The following CFAP300 variants were observed in gnomAD, a reference collection of about 807,000 sequenced individuals.
The protein encoded by CFAP300 is cilia- and flagella-associated protein 300.
CFAP300 carries 32 observed loss-of-function variants against 33.0 expected under a neutral mutation model. The ratio of observed to expected loss-of-function variants is 0.97; its 90% confidence interval spans 0.73 to 1.30. CFAP300 has a LOEUF of 1.30. Among genes scored for constraint, CFAP300 ranks in the 50% most tolerant of loss-of-function variants. The pLI is 0.00. For missense variants in CFAP300, 356 were observed against 318.1 expected (o/e 1.12, Z -0.90); for synonymous variants, 102 against 106.8 (o/e 0.95, Z 0.28).
At chr11:102,080,917 T>C (rs1057002413) in intron 5 of CFAP300, among the ~76,000 whole-genome samples, 1 of 152,206 alleles carries the variant, frequency 6.6e-6, no homozygotes, top group Non-Finnish European at 1.5e-5. Flanking sequence ...TTTTTACAAA[T>C]CCCTATTCAT....
At chr11:102,047,650 T>G in intron 1 of CFAP300, 70 bp downstream of exon 1, 1 of 1,485,592 alleles carries the variant, frequency 6.7e-7, no homozygotes, top group South Asian at 1.2e-5. Flanking sequence ...AGGCCGGGCG[T>G]CGAGGGGCCC....
intron 2 of CFAP300, among the ~76,000 whole-genome samples, chr11:102,051,923 T>G (rs944885414): frequency 2.6e-5 from 4 of 152,238 alleles, no homozygotes; most frequent in Non-Finnish European, 4.4e-5. Flanking sequence ...TTGTTATTAC[T>G]GTAACTAGTT....
intron 3 of CFAP300, among the ~76,000 whole-genome samples, chr11:102,061,313 C>T (rs978081077): frequency 6.6e-6 from 1 of 151,546 alleles, no homozygotes; most frequent in Non-Finnish European, 1.5e-5. Flanking sequence ...TCTGAAATAC[C>T]CCCCTCTTAT....
chr11:102,062,952 A>G (rs182770301), intron 3 of CFAP300, among the ~76,000 whole-genome samples: 1 of 152,358 alleles, frequency 6.6e-6, no homozygotes, highest in Non-Finnish European at 1.5e-5. Flanking sequence ...ACTGGACCAT[A>G]GAGCTATTGG....
chr11:102,075,831 A>C lies in CFAP300; in HGVS notation c.436-42A>C. 3 of 1,466,070 alleles carry C rather than the reference A, an allele frequency of 2.0e-6. No individual in the cohort carries two copies. In the South Asian group the frequency reaches 3.8e-5, roughly 19 times the overall value. The allele number at this position is 1,466,070 out of a possible 1,614,324, so 90.8% of individuals were successfully genotyped here. The stretch of plus-strand genomic sequence containing the variant: ...GAAACCTTTGAAAACAAAAGTAAAA[A>C]TCTTGAGTTATGTTACATTAAGATG... On this transcript the variant is annotated intron_variant, in intron 4 of 6. Transcript: ENST00000434758.
intron 2 of CFAP300, among the ~76,000 whole-genome samples, chr11:102,051,948 T>C (rs1350510147): frequency 1.3e-5 from 2 of 152,230 alleles, no homozygotes; most frequent in Admixed American, 6.5e-5. Flanking sequence ...AATCATCTTA[T>C]ATTTTTCCAA....
chr11:102,075,471 AATGACC>A (rs1379750912), intron 4 of CFAP300, among the ~76,000 whole-genome samples: 1 of 152,210 alleles, frequency 6.6e-6, no homozygotes, highest in Non-Finnish European at 1.5e-5. Context: ...GAGCTTAGAA[AATGACC>A]GTTTAGTCTC....
chr11:102,052,408 C>A (rs992023645), intron 2 of CFAP300, among the ~76,000 whole-genome samples: 6 of 152,042 alleles, frequency 3.9e-5, no homozygotes, highest in African/African-American at 1.4e-4. Context: ...CGTGAATATT[C>A]TTTTATTTGA....
intron 2 of CFAP300, among the ~76,000 whole-genome samples, chr11:102,055,215 G>A (rs930616241): frequency 5.3e-5 from 8 of 151,980 alleles, no homozygotes; most frequent in Non-Finnish European, 8.8e-5. Context: ...TCCTGACCTC[G>A]CGATCTGCCT....
intron 3 of CFAP300, among the ~76,000 whole-genome samples, chr11:102,063,197 G>A (rs1942175452): frequency 6.6e-6 from 1 of 152,238 alleles, no homozygotes. Context: ...GTAGAAGCAA[G>A]ACTGCCACCT....
At chr11:102,060,399 G>C (rs1942132346) in intron 3 of CFAP300, among the ~76,000 whole-genome samples, 1 of 151,760 alleles carries the variant, frequency 6.6e-6, no homozygotes, top group African/African-American at 2.4e-5. Context: ...TTATGGGTGT[G>C]AGCCACCGCG....
rs1318514383 is a variant in CFAP300, at chr11:102,047,474, G to C, written c.4G>C (p.Ala2Pro). The change falls in exon 1 of 7, where the codon GCT becomes CCT. Residue 2 changes from alanine (A) to proline (P), a missense_variant. Physicochemically the swap from Ala to Pro is conservative, Grantham distance 27. Transcript: ENST00000434758. M[A>P]TGELGDLGGY... is the part of the protein sequence containing the mutation. ...CATCCACCCAGCCGAGAGCACGATG[G>C]CTACTGGGGAGCTCGGGGACTTGGG... The C allele has an allele frequency of 2.6e-6, 4 of 1,535,886 alleles. No homozygotes were observed. Among genetic ancestry groups the C allele is most frequent in the Non-Finnish European group, 3.5e-6 (4 of 1,146,688 alleles).
rs560832048 is a variant in CFAP300, at chr11:102,051,181, C to G, written c.192+3285C>G. 3.3e-5 allele frequency among the ~76,000 whole-genome samples: 5 copies of G among 152,236 alleles called. No individual in the cohort carries two copies. The East Asian group carries it at 9.6e-4, about 29-fold the overall frequency. On this transcript the variant is annotated intron_variant, in intron 2 of 6. Coordinates refer to ENST00000434758, the MANE Select transcript of CFAP300 (RefSeq NM_032930.3). ...GGAAGAATTACAAGGAAAATGAGTT[C>G]AGTTTCAGGCATGCTGAATTCGAGG...
intron 2 of CFAP300, among the ~76,000 whole-genome samples, chr11:102,057,254 G>T (rs1009512839): frequency 2.0e-5 from 3 of 150,832 alleles, no homozygotes; most frequent in African/African-American, 7.3e-5. Context: ...CAGGAAAATC[G>T]CTTGAACCCG....
At chr11:102,047,681 G>C (rs937707380) in intron 1 of CFAP300, 101 bp downstream of exon 1, 3 of 1,455,466 alleles carry the variant, frequency 2.1e-6, no homozygotes, top group Non-Finnish European at 2.8e-6. Flanking sequence ...GCGCCATTCT[G>C]AGTGAACCCT....
chr11:102,066,756 A>G (rs1942233896), intron 4 of CFAP300, 105 bp downstream of exon 4: 2 of 902,164 alleles, frequency 2.2e-6, no homozygotes, highest in Non-Finnish European at 3.4e-6. Flanking sequence ...GTCATAAAAT[A>G]CCACCTATTT....
At chr11:102,076,524 A>G (rs1319157480) in intron 5 of CFAP300, among the ~76,000 whole-genome samples, 1 of 152,134 alleles carries the variant, frequency 6.6e-6, no homozygotes, top group East Asian at 1.9e-4. Context: ...TTCTAGTAGC[A>G]TTTTTCTTTT....
At chr11:102,073,708 A>G (rs1456939512) in intron 4 of CFAP300, among the ~76,000 whole-genome samples, 2 of 152,034 alleles carry the variant, frequency 1.3e-5, no homozygotes, top group Non-Finnish European at 2.9e-5. Context: ...TCTGGAGAGC[A>G]CACATTTCAG....
At chr11:102,076,192 C>G (rs1189980280) in intron 5 of CFAP300, 147 bp downstream of exon 5, 1 of 711,318 alleles carries the variant, frequency 1.4e-6, no homozygotes, top group Non-Finnish European at 2.0e-6. Context: ...CCTCTCATAA[C>G]CTTCCCCCTC....
Sources: gnomAD v4.1 joint callset for allele counts (sites outside exome capture counted in the v4.1 genomes callset) on GRCh38, gnomAD v4.1.1 for gene constraint, MANE v1.5 for transcripts, NCBI Gene and HGNC (gene_info 2026-07-23, HGNC 2026-07-21) for gene names.